ATR: variants seen among roughly 807,000 people sequenced by gnomAD.
ATR encodes ATR checkpoint kinase.
ATR carries 142 observed loss-of-function variants against 305.3 expected under a neutral mutation model. The ratio of observed to expected loss-of-function variants is 0.47; its 90% CI spans 0.41 to 0.53. The LOEUF (loss-of-function observed/expected upper bound fraction) is 0.53, where lower values mean the gene tolerates loss of function less well. Ranked by LOEUF, ATR falls within the 20% of genes least tolerant of loss-of-function variation. The pLI, the probability that ATR is intolerant of heterozygous loss-of-function variation, is 0.00. For missense variants in ATR, 2,135 were observed against 3,133.1 expected (o/e 0.68, Z 7.60); for synonymous variants, 1,050 against 1,068.1 (o/e 0.98, Z 0.33).
intron 46 of ATR, chr3:142,452,058 T>C (rs953656361): frequency 4.5e-5 from 46 of 1,021,788 alleles, no homozygotes; most frequent in Middle Eastern, 2.7e-4. Context: ...CAGATGAAGA[T>C]AATAGAGCAA....
chr3:142,560,021 T>C (rs1268075460), intron 6 of ATR, among the ~76,000 whole-genome samples: 1 of 152,214 alleles, frequency 6.6e-6, no homozygotes, highest in Non-Finnish European at 1.5e-5. Flanking sequence ...GAGTGTCAGT[T>C]TCTAATTTTT....
At chr3:142,456,218 C>T (rs1040102504) in intron 45 of ATR, among the ~76,000 whole-genome samples, 19 of 151,840 alleles carry the variant, frequency 1.3e-4, no homozygotes, top group Non-Finnish European at 1.5e-4. Flanking sequence ...GTGGAGATCA[C>T]GTTACTGCAC....
chr3:142,546,111 T>G (rs1310126576), intron 16 of ATR, among the ~76,000 whole-genome samples: 1 of 152,150 alleles, frequency 6.6e-6, no homozygotes, highest in East Asian at 1.9e-4. Flanking sequence ...TTCCACTGAA[T>G]TCAGTCAGCA....
rs771106421 is a variant in ATR at position 142,459,045 on chromosome 3, C to A, written c.7416G>T (p.Gly2472=). The A allele has an allele frequency of 6.2e-7, 1 of 1,613,914 alleles. No homozygotes were observed. The highest frequency in any genetic ancestry group is 8.5e-7 in the Non-Finnish European group (1 of 1,179,862). ...TATTTTCACCATGACGGTCTCCAAG[C>A]CCCAGAATATAACCAACCATTGACA... ...AVMSMVGYIL[G]LGDRHGENIL... Residue 2472 remains glycine, a synonymous_variant, in exon 44 of 47, where the codon GGG becomes GGT. Transcript: ENST00000350721.
intron 35 of ATR, among the ~76,000 whole-genome samples, chr3:142,492,678 A>T (rs958096762): frequency 1.3e-5 from 2 of 152,218 alleles, no homozygotes; most frequent in African/African-American, 4.8e-5. Flanking sequence ...GAATGGCTTT[A>T]GCTGCACAGG....
Position 142,497,196 on chromosome 3 carries a change from AAGAT to A in ATR, c.5559-8_5559-5del, listed in dbSNP as rs768134177. On this transcript the variant is annotated splice_polypyrimidine_tract_variant and splice_region_variant and intron_variant, in intron 32 of 46. Coordinates refer to ENST00000350721, the MANE Select transcript of ATR (RefSeq NM_001184.4). The stretch of plus-strand genomic sequence containing the variant: ...CAACTCACATAACATGTGCAATCTG[AAGAT>A]AGATAGAGCCTATGTTAAAATGTTA... The A allele has an allele frequency of 3.7e-6, 6 of 1,613,582 alleles. No individual in the cohort carries two copies. The East Asian group carries it at 1.1e-4, about 30-fold the overall frequency.
At chr3:142,485,014 G>T in intron 36 of ATR, 126 bp downstream of exon 36, 1 of 1,369,542 alleles carries the variant, frequency 7.3e-7, no homozygotes, top group Non-Finnish European at 1.0e-6. Flanking sequence ...TCTTATCTAA[G>T]GTGATACACT....
chr3:142,565,213 C>T (rs958439702), intron 3 of ATR, among the ~76,000 whole-genome samples: 2 of 151,920 alleles, frequency 1.3e-5, no homozygotes, highest in Non-Finnish European at 2.9e-5. Flanking sequence ...AGATGAAATG[C>T]AGAACACTTA....
intron 36 of ATR, among the ~76,000 whole-genome samples, chr3:142,474,253 AAAAAAAGG>A (rs1339677239): frequency 2.0e-5 from 3 of 152,072 alleles, no homozygotes; most frequent in Non-Finnish European, 4.4e-5. Flanking sequence ...ACAAAACAAA[AAAAAAAGG>A]AAAGAAAGAA....
intron 35 of ATR, among the ~76,000 whole-genome samples, chr3:142,487,311 A>AT (rs2031004754): frequency 6.6e-6 from 1 of 151,948 alleles, no homozygotes; most frequent in Non-Finnish European, 1.5e-5. Flanking sequence ...TAATTTTTGT[A>AT]TTTTTTGTAG....
rs183433676 is a variant in ATR at position 142,572,062 on chromosome 3, G to A, written c.60-3908C>T. 5.0e-3 allele frequency among the ~76,000 whole-genome samples: 760 copies of A among 151,410 alleles called. 5 individuals are homozygous for A. Among genetic ancestry groups the A allele is most frequent in the African/African-American group, 0.018 (727 of 41,280 alleles). On this transcript the variant is annotated intron_variant, in intron 1 of 46. Transcript: ENST00000350721. ...ATTACAGGCGTGAGCCACCGCACCC[G>A]GCCCTTTTTCTTTTTTTTTTCTTTT...
intron 29 of ATR, among the ~76,000 whole-genome samples, chr3:142,504,165 CT>C (rs2032118869): frequency 6.6e-6 from 1 of 152,152 alleles, no homozygotes; most frequent in Non-Finnish European, 1.5e-5. Context: ...TTCTAAACCC[CT>C]TTCCCATTCC....
chr3:142,485,406 G>C (rs2030851497), intron 35 of ATR, 124 bp from the exon 36 acceptor site: 3 of 1,175,932 alleles, frequency 2.6e-6, no homozygotes, highest in East Asian at 5.1e-5. Context: ...AAAGTCAAAA[G>C]CAGACTCAAT....
intron 30 of ATR, among the ~76,000 whole-genome samples, 197 bp downstream of exon 30, chr3:142,503,165 T>C (rs1328157363): frequency 6.6e-6 from 1 of 152,170 alleles, no homozygotes; most frequent in Non-Finnish European, 1.5e-5. Flanking sequence ...CAAGGATGGC[T>C]CTTTAGACAG....
At chr3:142,459,511 G>T in intron 42 of ATR, 128 bp from the exon 43 acceptor site, 2 of 1,108,816 alleles carry the variant, frequency 1.8e-6, no homozygotes, top group Non-Finnish European at 1.3e-6. Context: ...AAGAATAAAG[G>T]AACATTTTTC....
chr3:142,455,997 T>G (rs1419722163), intron 45 of ATR, among the ~76,000 whole-genome samples: 1 of 152,150 alleles, frequency 6.6e-6, no homozygotes, highest in Non-Finnish European at 1.5e-5. Flanking sequence ...TCTTAAAAGG[T>G]CTTGTATCCA....
Position 142,453,130 on chromosome 3 carries a change from T to C in ATR, c.7759A>G (p.Lys2587Glu). The change falls in exon 46 of 47, where the codon AAG becomes GAG. Residue 2587 changes from lysine to glutamate, a missense_variant and splice_region_variant. Coordinates refer to ENST00000350721, the MANE Select transcript of ATR (RefSeq NM_001184.4). ...LNETGEVVNE[K>E]AKTHVLDIEQ... Reference sequence around the variant, plus strand: ...ATCAAGCTATACCTTCTACTAACCTTTTCATTGACAACTTCTCCAGTTTCA... The same window carrying C: ...ATCAAGCTATACCTTCTACTAACCTCTTCATTGACAACTTCTCCAGTTTCA... The C allele has an allele frequency of 6.2e-7, 1 of 1,614,102 alleles. No individual in the cohort carries two copies. The highest frequency in any genetic ancestry group is 8.5e-7 in the Non-Finnish European group (1 of 1,179,992).
intron 32 of ATR, among the ~76,000 whole-genome samples, chr3:142,498,026 C>A (rs1183551408): frequency 1.3e-5 from 2 of 152,000 alleles, no homozygotes; most frequent in Non-Finnish European, 2.9e-5. Flanking sequence ...TATCACCAAA[C>A]GGGTTGATAC....
chr3:142,532,186 G>A (rs149518040), intron 21 of ATR, among the ~76,000 whole-genome samples: 9,206 of 152,208 alleles, frequency 0.06, 873 homozygotes, highest in African/African-American at 0.2. Flanking sequence ...CATCTTCTGC[G>A]TCACTCACGC....
Sources: allele counts gnomAD v4.1 joint callset (sites outside exome capture counted in the v4.1 genomes callset), GRCh38; gene constraint gnomAD v4.1.1; transcripts MANE v1.5; gene names NCBI Gene and HGNC (gene_info 2026-07-23, HGNC 2026-07-21).